SLC2A9: variants seen among roughly 807,000 people sequenced by gnomAD.
SLC2A9 encodes solute carrier family 2 member 9.
Under a neutral mutation model 50.6 loss-of-function variants are expected in SLC2A9, and 39 were observed. The observed-to-expected ratio is 0.77, with a 90% CI of 0.60 to 1.01. The LOEUF (loss-of-function observed/expected upper bound fraction) is 1.01. SLC2A9 is among the 50% of genes least tolerant of loss of function. SLC2A9 has a pLI of 0.00. For missense variants in SLC2A9, 686 were observed against 677.6 expected (o/e 1.01, Z -0.14); for synonymous variants, 324 against 276.9 (o/e 1.17, Z -1.69).
intron 8 of SLC2A9, among the ~76,000 whole-genome samples, chr4:9,891,108 G>A (rs1737329336): frequency 6.6e-6 from 1 of 152,182 alleles, no homozygotes; most frequent in African/African-American, 2.4e-5. Context: ...ATAGGGGTAG[G>A]CATCCACAGC....
chr4:9,836,221 G>A (rs1727082491), intron 10 of SLC2A9, among the ~76,000 whole-genome samples: 1 of 151,542 alleles, frequency 6.6e-6, no homozygotes, highest in South Asian at 2.1e-4. Flanking sequence ...GGTGATGGGT[G>A]CATCAAAATC....
chr4:9,890,539 C>G, intron 9 of SLC2A9, 71 bp downstream of exon 9: 1 of 1,403,596 alleles, frequency 7.1e-7, no homozygotes, highest in Admixed American at 1.7e-5. Flanking sequence ...AAATCAAAGG[C>G]CCCAAAACGA....
chr4:9,997,269 A>G (rs999469092), intron 2 of SLC2A9, among the ~76,000 whole-genome samples: 1 of 152,126 alleles, frequency 6.6e-6, no homozygotes, highest in Admixed American at 6.5e-5. Context: ...ACTGAGGCTC[A>G]GGGAGACAAA....
intron 8 of SLC2A9, among the ~76,000 whole-genome samples, chr4:9,891,938 G>A (rs889154272): frequency 2.6e-5 from 4 of 152,230 alleles, no homozygotes; most frequent in African/African-American, 9.6e-5. Flanking sequence ...AGCTTCAGGT[G>A]ACAGTGCGAA....
downstream of SLC2A9, among the ~76,000 whole-genome samples, chr4:9,779,492 G>A (rs1222620324): frequency 6.7e-6 from 1 of 149,962 alleles, no homozygotes; most frequent in Non-Finnish European, 1.5e-5. Context: ...TCGGCTCACT[G>A]CAAGCTCCGC....
intron 3 of SLC2A9, among the ~76,000 whole-genome samples, chr4:9,789,118 C>A (rs1220448780): frequency 6.6e-6 from 1 of 152,168 alleles, no homozygotes; most frequent in East Asian, 1.9e-4. Flanking sequence ...CCCATGCATT[C>A]ATTTTGATAT....
At chr4:9,812,422 C>G (rs917183700) in intron 3 of SLC2A9, among the ~76,000 whole-genome samples, 2 of 151,726 alleles carry the variant, frequency 1.3e-5, no homozygotes, top group Admixed American at 1.3e-4. Flanking sequence ...AATATCCTAT[C>G]CTGCAGTCTT....
At chr4:10,029,556 T>TTTTATTTTA (rs1006387903) in intron 1 of SLC2A9, among the ~76,000 whole-genome samples, 1 of 110,902 alleles carries the variant, frequency 9.0e-6, no homozygotes. Context: ...AAATATTTTA[T>TTTTATTTTA]TTTATTTTAT....
At chr4:9,975,873 A>G (rs902552248) in intron 5 of SLC2A9, among the ~76,000 whole-genome samples, 5 of 152,256 alleles carry the variant, frequency 3.3e-5, no homozygotes, top group African/African-American at 1.2e-4. Flanking sequence ...TGGACTGGAT[A>G]AAGAAAATGT....
chr4:9,994,545 C>A lies in SLC2A9; in HGVS notation c.410+2236G>T, dbSNP rs1015794875. Among the ~76,000 whole-genome samples the A allele has an allele frequency of 5.4e-5, 8 of 147,400 alleles. No homozygotes were observed. The East Asian group carries it at 1.6e-3, about 30-fold the overall frequency. On this transcript the variant is annotated intron_variant, in intron 3 of 11. Coordinates refer to ENST00000264784, the MANE Select transcript of SLC2A9 (RefSeq NM_020041.3). ...TTGAAGGTATTTTCAAAGTTGTTTT[C>A]TCTTTTGCTTTCCTTTTCCTTTTTT... is the stretch of plus-strand genomic sequence containing the variant.
intron 3 of SLC2A9, chr4:9,782,657 C>A: frequency 2.5e-6 from 4 of 1,613,998 alleles, no homozygotes; most frequent in Middle Eastern, 1.7e-4. Flanking sequence ...CTTTTGGGAG[C>A]CCGACGTGAA....
At chr4:9,888,349 AG>A (rs1217679633) in intron 9 of SLC2A9, among the ~76,000 whole-genome samples, 1 of 151,820 alleles carries the variant, frequency 6.6e-6, no homozygotes, top group African/African-American at 2.4e-5. Context: ...GCTTAAAAGA[AG>A]TTATCTTAGT....
intron 5 of SLC2A9, among the ~76,000 whole-genome samples, chr4:9,962,699 G>A (rs538365208): frequency 1.3e-5 from 2 of 152,164 alleles, no homozygotes; most frequent in Admixed American, 6.6e-5. Context: ...CACACCCTGC[G>A]CATATACCCC....
chr4:9,870,057 T>C (rs1733161122), intron 10 of SLC2A9, among the ~76,000 whole-genome samples: 1 of 152,162 alleles, frequency 6.6e-6, no homozygotes. Context: ...GACTGTGTAG[T>C]GATGTGGCCA....
At chr4:9,864,063 C>G (rs1732066735) in intron 10 of SLC2A9, among the ~76,000 whole-genome samples, 1 of 152,010 alleles carries the variant, frequency 6.6e-6, no homozygotes, top group South Asian at 2.1e-4. Flanking sequence ...CTTGTGGCTT[C>G]CCAAGACCAT....
intron 5 of SLC2A9, among the ~76,000 whole-genome samples, chr4:9,960,092 TCA>T (rs1752015978): frequency 3.7e-5 from 1 of 27,090 alleles, no homozygotes; most frequent in Non-Finnish European, 5.5e-5. Context: ...AAGCCGCAAG[TCA>T]AGAAGTTATA....
chr4:9,830,957 C>T (rs761452524), intron 11 of SLC2A9, among the ~76,000 whole-genome samples: 2 of 152,130 alleles, frequency 1.3e-5, no homozygotes, highest in Non-Finnish European at 2.9e-5. Flanking sequence ...TGAGGAAACC[C>T]AGGCTTGGAG....
At chr4:9,961,224 C>A (rs567158153) in intron 5 of SLC2A9, among the ~76,000 whole-genome samples, 3 of 152,128 alleles carry the variant, frequency 2.0e-5, no homozygotes, top group Admixed American at 6.5e-5. Context: ...CCAGCCAAAG[C>A]ACAGTGCTAG....
rs1327586264 is a variant in SLC2A9, at chr4:10,021,432, G to A, written c.-3C>T. 2 of 1,614,186 alleles carry A rather than the reference G, an allele frequency of 1.2e-6. No individual in the cohort carries two copies. Among genetic ancestry groups the A allele is most frequent in the South Asian group, 1.1e-5 (1 of 91,078 alleles). ...TTCCTATTTTGTTTCCTTGCCATGG[G>A]TCTCAGTGACCCAGCTGATGGCTCA... On this transcript the variant is annotated 5_prime_UTR_variant, in exon 1 of 12. Transcript: ENST00000264784.
Sources: gnomAD v4.1 joint callset for allele counts (sites outside exome capture counted in the v4.1 genomes callset) on GRCh38, gnomAD v4.1.1 for gene constraint, MANE v1.5 for transcripts, NCBI Gene and HGNC (gene_info 2026-07-23, HGNC 2026-07-21) for gene names.